The following CHGB variants were observed in gnomAD, a reference collection of about 807,000 sequenced individuals.
CHGB encodes chromogranin B.
In CHGB, 46 loss-of-function variants were observed where a neutral mutation model predicts 69.9. The observed-to-expected ratio is 0.66, with a 90% CI of 0.52 to 0.84. The LOEUF (loss-of-function observed/expected upper bound fraction) is 0.84. CHGB is among the 40% of genes least tolerant of loss of function. The probability of loss-of-function intolerance (pLI) is 0.00; values close to 1 mark genes in which losing one functional copy is unlikely to be tolerated. For synonymous variants in CHGB, 312 were observed against 298.2 expected (o/e 1.05, Z -0.48); for missense variants, 796 against 822.2 (o/e 0.97, Z 0.39).
rs763712677 is a variant in CHGB, at chr20:5,922,663, T to C, written c.519T>C (p.Tyr173=). The change falls in exon 4 of 5, where the codon TAT becomes TAC. Residue 173 remains tyrosine, a synonymous_variant. Transcript: ENST00000378961. The part of the protein sequence containing the change: ...EDEEEEEGEN[Y]QKGERGEDSS... ...AGGAGGAGGAGGAGGGAGAGAACTATCAAAAAGGGGAGCGAGGGGAAGATA... is the reference window on the plus strand; with the variant it reads ...AGGAGGAGGAGGAGGGAGAGAACTACCAAAAAGGGGAGCGAGGGGAAGATA... The C allele has an allele frequency of 2.5e-6, 4 of 1,613,220 alleles. No individual in the cohort carries two copies. In the East Asian group the frequency reaches 6.7e-5, roughly 27 times the overall value.
chr20:5,913,157 T>C (rs2088455796), intron 1 of CHGB, among the ~76,000 whole-genome samples: 1 of 152,254 alleles, frequency 6.6e-6, no homozygotes. Flanking sequence ...AATAAAAGTT[T>C]ATATTTTAAT....
intron 3 of CHGB, among the ~76,000 whole-genome samples, chr20:5,918,240 G>A (rs1438585070): frequency 6.6e-6 from 1 of 151,442 alleles, no homozygotes; most frequent in Admixed American, 6.6e-5. Flanking sequence ...CAACTAGTTG[G>A]GTGTGGTGGC....
In CHGB at chr20:5,923,420, C is replaced by T. The variant is rs749372552; in HGVS notation, c.1276C>T (p.Pro426Ser). ...GRHHRGRGGE[P>S]RAYFMSDTRE... Reference sequence around the variant, plus strand: ...CCATCACAGAGGCAGGGGAGGGGAGCCACGTGCCTATTTCATGTCTGACAC... The same window carrying T: ...CCATCACAGAGGCAGGGGAGGGGAGTCACGTGCCTATTTCATGTCTGACAC... Residue 426 changes from proline (P) to serine (S), a missense_variant, in exon 4 of 5, where the codon CCA becomes TCA. Pro to Ser is a moderately conservative substitution (Grantham distance 74). Coordinates refer to ENST00000378961, the MANE Select transcript of CHGB (RefSeq NM_001819.3). 1 of 1,614,022 alleles carries T rather than the reference C, an allele frequency of 6.2e-7. No individual in the cohort carries two copies. Among genetic ancestry groups the T allele is most frequent in the Non-Finnish European group, 8.5e-7 (1 of 1,179,994 alleles).
At position 5,923,770 on chromosome 20, in the gene CHGB, G is replaced by T. The variant is rs749736057; in HGVS notation, c.1626G>T (p.Met542Ile). The change falls in exon 4 of 5, where the codon ATG becomes ATT. Residue 542 changes from methionine (M) to isoleucine (I), a missense_variant. Physicochemically the swap from Met to Ile is conservative, Grantham distance 10. Coordinates refer to ENST00000378961, the MANE Select transcript of CHGB (RefSeq NM_001819.3). ...GCCATTTTGAAAGAAGAGACAACAT[G>T]AATGACAATTTTCTCGAGGGTGAGG... The part of the protein sequence containing the change: ...KSSHFERRDN[M>I]NDNFLEGEEE... The T allele has an allele frequency of 6.2e-7, 1 of 1,614,186 alleles. No homozygotes were observed. The highest frequency in any genetic ancestry group is 8.5e-7 in the Non-Finnish European group (1 of 1,180,012).
chr20:5,917,448 C>T (rs990041261), intron 3 of CHGB: 1 of 158,556 alleles, frequency 6.3e-6, no homozygotes, highest in African/African-American at 2.4e-5. Flanking sequence ...ATTTACACAA[C>T]AAATTAGCTA....
intron 3 of CHGB, among the ~76,000 whole-genome samples, chr20:5,919,365 C>T (rs2088500333): frequency 6.6e-6 from 1 of 152,160 alleles, no homozygotes; most frequent in Non-Finnish European, 1.5e-5. Flanking sequence ...TGACAGAATG[C>T]TGAGATGGCG....
In CHGB at chr20:5,923,878, G is replaced by A; in HGVS notation, c.1734G>A (p.Glu578=). ...YDWWEKKPFS[E]DVNWGYEKRN... ...GGTGGGAGAAAAAGCCCTTCTCTGAGGATGTGAACTGGGGGTATGAGAAGA... is the reference window on the plus strand; with the variant it reads ...GGTGGGAGAAAAAGCCCTTCTCTGAAGATGTGAACTGGGGGTATGAGAAGA... Residue 578 remains glutamate, a synonymous_variant, in exon 4 of 5, where the codon GAG becomes GAA. Transcript: ENST00000378961. 1 of 1,614,230 alleles carries A rather than the reference G, an allele frequency of 6.2e-7. No individual in the cohort carries two copies.
At chr20:5,924,142 AATGTTAGCACATT>A (rs1255760276) in intron 4 of CHGB, 42 bp downstream of exon 4, 2 of 1,523,030 alleles carry the variant, frequency 1.3e-6, no homozygotes, top group South Asian at 2.6e-5. Flanking sequence ...TACTCTGGTC[AATGTTAGCACATT>A]ATGTTCAAGA....
chr20:5,916,513 G>T lies in CHGB; in HGVS notation c.96+141G>T. 3.9e-6 allele frequency: 3 copies of T among 772,588 alleles called. No individual in the cohort carries two copies. In the Admixed American group the frequency reaches 6.8e-5, roughly 18 times the overall value. The allele number at this position is 772,588 out of a possible 1,614,324, so 47.9% of individuals were successfully genotyped here. A position where few individuals can be genotyped will look rare whatever the true frequency, so the allele number is the denominator to read the frequency against. On this transcript the variant is annotated intron_variant, in intron 2 of 4. Coordinates refer to ENST00000378961, the MANE Select transcript of CHGB (RefSeq NM_001819.3). Reference sequence around the variant, plus strand: ...CATTGCTGACAGAATGTGAGCAAGGGATGCCCCTCCTGCACTGAGCTCCTA... The same window carrying T: ...CATTGCTGACAGAATGTGAGCAAGGTATGCCCCTCCTGCACTGAGCTCCTA...
In CHGB at chr20:5,925,293, CTG is replaced by C. The variant is rs1306516038; in HGVS notation, c.*247_*248del. 19 of 273,350 alleles carry C rather than the reference CTG, an allele frequency of 7.0e-5. No individual in the cohort carries two copies. The highest frequency in any genetic ancestry group is 1.2e-4 in the Non-Finnish European group (17 of 145,150). 16.9% of individuals were successfully genotyped at this position (273,350 alleles called of 1,614,324 possible). A position where few individuals can be genotyped will look rare whatever the true frequency, so the allele number is the denominator to read the frequency against. On this transcript the variant is annotated 3_prime_UTR_variant, in exon 5 of 5. Transcript: ENST00000378961. ...CATATTAACATGCTTATGACAATGA[CTG>C]TGCTACTGTCTTTGGAAAAATGTTT...
At chr20:5,917,952 T>G in intron 3 of CHGB, 1 of 142,208 alleles carries the variant, frequency 7.0e-6, no homozygotes. Flanking sequence ...CTGGCCAACA[T>G]GGTGAAACCC....
chr20:5,924,706 T>G (rs1166080299), intron 4 of CHGB, among the ~76,000 whole-genome samples: 1 of 152,252 alleles, frequency 6.6e-6, no homozygotes, highest in African/African-American at 2.4e-5. Context: ...TTCTCAAAGT[T>G]GAATGTACAT....
At position 5,923,002 on chromosome 20, in the gene CHGB, G is replaced by A. The variant is rs1367789390; in HGVS notation, c.858G>A (p.Gly286=). ...GCACGAGGCCCAGACACCACCACGG[G>A]AGGAGCAGGCCCGACAGGTCCTCTC... The part of the protein sequence containing the change: ...KRRTRPRHHH[G]RSRPDRSSQG... Residue 286 remains glycine, a synonymous_variant, in exon 4 of 5, where the codon GGG becomes GGA. Coordinates refer to ENST00000378961, the MANE Select transcript of CHGB (RefSeq NM_001819.3). The A allele has an allele frequency of 1.4e-5, 23 of 1,610,916 alleles. No homozygotes were observed. Among genetic ancestry groups the A allele is most frequent in the Admixed American group, 1.7e-5 (1 of 59,398 alleles).
chr20:5,916,501 A>C, intron 2 of CHGB, 129 bp downstream of exon 2: 2 of 840,018 alleles, frequency 2.4e-6, no homozygotes, highest in Non-Finnish European at 3.8e-6. Flanking sequence ...TGCTGACAGA[A>C]TGTGAGCAAG....
intron 3 of CHGB, among the ~76,000 whole-genome samples, chr20:5,919,614 C>T (rs1158684957): frequency 3.3e-5 from 5 of 152,182 alleles, no homozygotes; most frequent in Admixed American, 2.6e-4. Context: ...AAGACATCTC[C>T]TGGTATTTTC....
Position 5,922,470 on chromosome 20 carries a change from A to G in CHGB, c.326A>G (p.Glu109Gly), listed in dbSNP as rs1600214054. 6.2e-7 allele frequency: 1 copy of G among 1,613,624 alleles called. No individual in the cohort carries two copies. The highest frequency in any genetic ancestry group is 8.5e-7 in the Non-Finnish European group (1 of 1,179,626). ...SSRGEAGAPG[E>G]EDIQGPTKAD... ...AGGGGAGAGGCAGGAGCCCCAGGGG[A>G]GGAGGACATCCAAGGCCCAACAAAG... Residue 109 changes from glutamate to glycine, a missense_variant, in exon 4 of 5, where the codon GAG becomes GGG. This residue lies in a region of CHGB where 518 missense variants were observed against 506.3 expected (regional missense o/e 1.02). Coordinates refer to ENST00000378961, the MANE Select transcript of CHGB (RefSeq NM_001819.3).
At chr20:5,914,536 G>A (rs2088465010) in intron 1 of CHGB, 1 of 152,154 alleles carries the variant, frequency 6.6e-6, no homozygotes, top group African/African-American at 2.4e-5. Context: ...GTATTAGCAA[G>A]AAACTGCATT....
Position 5,922,348 on chromosome 20 carries a change from C to T in CHGB, c.204C>T (p.Val68=). ...RQVLKTSRKD[V]KDKETTENEN... is the part of the protein sequence containing the mutation. ...TTTTCATTATAGGTAGAAAAGACGT[C>T]AAAGACAAAGAGACAACTGAAAATG... The change falls in exon 4 of 5, where the codon GTC becomes GTT. Residue 68 remains valine (V), a synonymous_variant. Coordinates refer to ENST00000378961, the MANE Select transcript of CHGB (RefSeq NM_001819.3). 1 of 1,547,012 alleles carries T rather than the reference C, an allele frequency of 6.5e-7. No homozygotes were observed. The highest frequency in any genetic ancestry group is 1.2e-5 in the South Asian group (1 of 81,648).
Position 5,923,686 on chromosome 20 carries a change from G to A in CHGB, c.1542G>A (p.Lys514=), listed in dbSNP as rs767441937. Reference sequence around the variant, plus strand: ...ATAGCTCCCATCACACAGCTGAAAAGAGGAAGAGATTAGGGGAACTGTTCA... The same window carrying A: ...ATAGCTCCCATCACACAGCTGAAAAAAGGAAGAGATTAGGGGAACTGTTCA... ...KQYSSHHTAE[K]RKRLGELFNP... The change falls in exon 4 of 5, where the codon AAG becomes AAA. Residue 514 remains lysine, a synonymous_variant. Coordinates refer to ENST00000378961, the MANE Select transcript of CHGB (RefSeq NM_001819.3). 4.3e-6 allele frequency: 7 copies of A among 1,614,026 alleles called. No homozygotes were observed. The South Asian group carries it at 7.7e-5, about 18-fold the overall frequency.
Sources: gnomAD v4.1 joint callset for allele counts (sites outside exome capture counted in the v4.1 genomes callset) on GRCh38, gnomAD v4.1.1 for gene constraint, gnomAD v4.1.1 regional missense constraint, MANE v1.5 for transcripts, NCBI Gene and HGNC (gene_info 2026-07-23, HGNC 2026-07-21) for gene names.